Variants in FN1 observed in about 807,000 individuals in gnomAD.
FN1 encodes fibronectin 1.
FN1 carries 106 observed loss-of-function variants against 297.3 expected under a neutral mutation model. That is an observed-to-expected ratio of 0.36 (90% confidence interval 0.30 to 0.42). The LOEUF (loss-of-function observed/expected upper bound fraction) is 0.42, where lower values mean the gene tolerates loss of function less well. Ranked by LOEUF, FN1 falls within the 10% of genes least tolerant of loss-of-function variation. The probability of loss-of-function intolerance (pLI) is 1.00; values close to 1 mark genes in which losing one functional copy is unlikely to be tolerated. For missense variants in FN1, 2,690 were observed against 3,124.9 expected (o/e 0.86, Z 3.32); for synonymous variants, 1,149 against 1,152.6 (o/e 1.00, Z 0.06).
rs1261017722 is a variant in FN1 at position 215,434,725 on chromosome 2, C to T, written c.248G>A (p.Arg83Gln). The change falls in exon 2 of 46, where the codon CGA becomes CAA. Residue 83 changes from arginine (R) to glutamine (Q), a missense_variant. By Grantham distance (43) the Arg-to-Gln change is conservative (BLOSUM62 1). This residue lies in a region of FN1 where 876 missense variants were observed against 1,058.1 expected (regional missense o/e 0.83). Transcript: ENST00000354785. The stretch of plus-strand genomic sequence containing the variant: ...AGGTTTACTCTCGCAGTTAAAACCT[C>T]GGCTTCCTCCATAACAAGTACAAAC... ...ALVCTCYGGS[R>Q]GFNCESKPEA... The T allele has an allele frequency of 9.3e-6, 15 of 1,614,044 alleles. No homozygotes were observed. Among genetic ancestry groups the T allele is most frequent in the Admixed American group, 1.7e-5 (1 of 60,006 alleles).
At chr2:215,431,537 G>A (rs1460258425) in intron 4 of FN1, among the ~76,000 whole-genome samples, 2 of 152,090 alleles carry the variant, frequency 1.3e-5, no homozygotes, top group African/African-American at 4.8e-5. Context: ...TCTTGACGAA[G>A]GAGGAATCTG....
intron 7 of FN1, among the ~76,000 whole-genome samples, chr2:215,424,718 C>A (rs2065034759): frequency 6.6e-6 from 1 of 151,994 alleles, no homozygotes; most frequent in African/African-American, 2.4e-5. Context: ...TTGTTATTGC[C>A]ATAGTGACTA....
At chr2:215,429,211 T>C (rs770466810) in intron 5 of FN1, among the ~76,000 whole-genome samples, 29 of 152,150 alleles carry the variant, frequency 1.9e-4, no homozygotes, top group Non-Finnish European at 3.4e-4. Flanking sequence ...AATATTATTT[T>C]CCCTTCCCCT....
Position 215,392,776 on chromosome 2 carries a change from C to A in FN1, c.4069+155G>T, listed in dbSNP as rs1433032898. 9 of 763,326 alleles carry A rather than the reference C, an allele frequency of 1.2e-5. No individual in the cohort carries two copies. In the East Asian group the frequency reaches 2.4e-4, roughly 20 times the overall value. The allele number at this position is 763,326 out of a possible 1,614,324, so 47.3% of individuals were successfully genotyped here. ...ATGTGTTTTTCTCCAATCAGTTTAG[C>A]AGATGCATTTGATTCCTTATCCCCC... On this transcript the variant is annotated intron_variant, in intron 25 of 45. Transcript: ENST00000354785.
chr2:215,407,622 T>G (rs2061935693), intron 17 of FN1, among the ~76,000 whole-genome samples: 1 of 152,174 alleles, frequency 6.6e-6, no homozygotes, highest in Non-Finnish European at 1.5e-5. Context: ...GTTAAGCTGA[T>G]TTTTCCTCTT....
intron 23 of FN1, among the ~76,000 whole-genome samples, chr2:215,396,340 A>T (rs983505448): frequency 6.6e-6 from 1 of 152,186 alleles, no homozygotes; most frequent in Non-Finnish European, 1.5e-5. Context: ...GGGTATCTAA[A>T]ATTTCCTGTT....
chr2:215,429,218 C>A (rs939089662), intron 5 of FN1, among the ~76,000 whole-genome samples: 5 of 152,104 alleles, frequency 3.3e-5, no homozygotes, highest in African/African-American at 7.2e-5. Flanking sequence ...TTTTCCCTTC[C>A]CCTATACCCA....
At position 215,386,778 on chromosome 2, in the gene FN1, T is replaced by G; in HGVS notation, c.4523A>C (p.Asn1508Thr). 1 of 1,613,528 alleles carries G rather than the reference T, an allele frequency of 6.2e-7. No homozygotes were observed. Among genetic ancestry groups the G allele is most frequent in the African/African-American group, 1.3e-5 (1 of 74,822 alleles). ...PHSRNSITLT[N>T]LTPGTEYVVS... ...CACATACTCTGTGCCTGGAGTGAGG[T>G]TGGTGAGGGTGATGGAATTCCGAGA... Residue 1508 changes from asparagine (N) to threonine (T), a missense_variant, in exon 28 of 46, where the codon AAC (asparagine) becomes ACC (threonine). This residue lies in a region of FN1 where 1,743 missense variants were observed against 1,945.2 expected (regional missense o/e 0.90). Transcript: ENST00000354785.
At chr2:215,426,898 T>C (rs1559586710) in intron 6 of FN1, among the ~76,000 whole-genome samples, 3 of 152,020 alleles carry the variant, frequency 2.0e-5, no homozygotes, top group Admixed American at 1.3e-4. Flanking sequence ...TTTTTTGAGA[T>C]GGGGTCTCGC....
chr2:215,425,640 C>A (rs2065195256), intron 6 of FN1, among the ~76,000 whole-genome samples: 1 of 152,106 alleles, frequency 6.6e-6, no homozygotes, highest in African/African-American at 2.4e-5. Flanking sequence ...GCAACCTCTG[C>A]CTCCTGGGTT....
chr2:215,396,624 T>C (rs1410131024), intron 23 of FN1, among the ~76,000 whole-genome samples: 2 of 152,180 alleles, frequency 1.3e-5, no homozygotes, highest in Admixed American at 1.3e-4. Context: ...ATTTAAAATG[T>C]GTGACTATGA....
Position 215,384,186 on chromosome 2 carries a change from T to C in FN1, c.4730-2A>G. 6 of 1,614,122 alleles carry C rather than the reference T, an allele frequency of 3.7e-6. No individual in the cohort carries two copies. The highest frequency in any genetic ancestry group is 5.1e-6 in the Non-Finnish European group (6 of 1,179,980). On this transcript the variant is annotated splice_acceptor_variant, in intron 29 of 45. Coordinates refer to ENST00000354785, the MANE Select transcript of FN1 (RefSeq NM_212482.4). LOFTEE classifies it high-confidence loss of function. Reference sequence around the variant, plus strand: ...ACTCCTGGACAGGGCTATTTCCTCCTGTATGAAAAAGGGTTAGTTCAGAGT... The same window carrying C: ...ACTCCTGGACAGGGCTATTTCCTCCCGTATGAAAAAGGGTTAGTTCAGAGT...
In FN1 at chr2:215,424,169, T is replaced by G. The variant is rs1575791011; in HGVS notation, c.1193A>C (p.Tyr398Ser). 1.2e-6 allele frequency: 2 copies of G among 1,614,040 alleles called. No individual in the cohort carries two copies. Among genetic ancestry groups the G allele is most frequent in the Admixed American group, 1.7e-5 (1 of 60,002 alleles). Residue 398 changes from tyrosine to serine, a missense_variant, in exon 8 of 46, where the codon TAC (tyrosine) becomes TCC (serine). Around this residue, in one of 3 missense-constraint regions of FN1, gnomAD observed 876 missense variants for 1,058.1 expected, o/e 0.83. Transcript: ENST00000354785. Reference protein sequence around the residue: ...TTSNYEQDQKYSFCTDHTVLV... With the variant: ...TTSNYEQDQKSSFCTDHTVLV... Reference sequence around the variant, plus strand: ...ACCAGTGTGGTCTGTGCAGAAAGAGTATTTCTGGTCCTGCTCATAATTCGA... The same window carrying G: ...ACCAGTGTGGTCTGTGCAGAAAGAGGATTTCTGGTCCTGCTCATAATTCGA...
At chr2:215,407,465 A>T in intron 17 of FN1, 144 bp from the exon 18 acceptor site, 1 of 725,886 alleles carries the variant, frequency 1.4e-6, no homozygotes, top group Non-Finnish European at 2.5e-6. Context: ...CTCTTTGAAT[A>T]TTGCCACTTC....
intron 20 of FN1, among the ~76,000 whole-genome samples, chr2:215,401,235 A>AAGGAAGGAAGGAAGGAAGGAAGGAAGG (rs1559475044): frequency 5.2e-5 from 3 of 58,042 alleles, no homozygotes; most frequent in African/African-American, 2.0e-4. Context: ...AGAAAGAAAG[A>AAGGAAGGAAGGAAGGAAGGAAGGAAGG]AAGAAAGAAA....
In FN1 at chr2:215,393,047, G is replaced by C. The variant is rs529901014; in HGVS notation, c.3953C>G (p.Ser1318Cys). Reference sequence around the variant, plus strand: ...TGTGACTGTGTAGTATCCTACTGAGGAGTCCACAAAATCTTCAAAAATAGG... The same window carrying C: ...TGTGACTGTGTAGTATCCTACTGAGCAGTCCACAAAATCTTCAAAAATAGG... Reference protein sequence around the residue: ...GIPIFEDFVDSSVGYYTVTGL... With the variant: ...GIPIFEDFVDCSVGYYTVTGL... The change falls in exon 25 of 46, where the codon TCC becomes TGC. Residue 1318 changes from serine (S) to cysteine (C), a missense_variant. By Grantham distance (112) the Ser-to-Cys change is moderately radical (BLOSUM62 -1). Transcript: ENST00000354785. 92 of 1,614,058 alleles carry C rather than the reference G, an allele frequency of 5.7e-5. 1 individual carries two copies. The South Asian group carries it at 9.4e-4, about 17-fold the overall frequency.
At chr2:215,383,881 G>A (rs2058552103) in intron 30 of FN1, 139 bp downstream of exon 30, 2 of 899,662 alleles carry the variant, frequency 2.2e-6, no homozygotes, top group African/African-American at 1.7e-5. Context: ...AACTCTGTTC[G>A]CTGCAGGTGC....
chr2:215,429,913 T>C (rs947470442), intron 5 of FN1, among the ~76,000 whole-genome samples: 1 of 152,222 alleles, frequency 6.6e-6, no homozygotes, highest in Non-Finnish European at 1.5e-5. Context: ...AGCTAAAATA[T>C]TGCCACAAAG....
chr2:215,435,993 G>A lies in FN1; in HGVS notation c.-191C>T. 7.9e-7 allele frequency: 1 copy of A among 1,259,628 alleles called. No homozygotes were observed. Among genetic ancestry groups the A allele is most frequent in the Non-Finnish European group, 1.1e-6 (1 of 942,878 alleles). The allele number at this position is 1,259,628 out of a possible 1,614,324, so 78.0% of individuals were successfully genotyped here. ...AGGGATGCAGAGGACCAGAGAAGTT[G>A]TGGCTGCAGGTCCCCTCTTCCCGCT... On this transcript the variant is annotated 5_prime_UTR_variant, in exon 1 of 46. Coordinates refer to ENST00000354785, the MANE Select transcript of FN1 (RefSeq NM_212482.4).
Sources: allele counts gnomAD v4.1 joint callset (sites outside exome capture counted in the v4.1 genomes callset), GRCh38; gene constraint gnomAD v4.1.1; regional missense constraint gnomAD v4.1.1; transcripts MANE v1.5; gene names NCBI Gene and HGNC (gene_info 2026-07-23, HGNC 2026-07-21).